The following FTO variants were observed in gnomAD, a reference collection of about 807,000 sequenced individuals.
FTO encodes the protein FTO alpha-ketoglutarate dependent dioxygenase, also known as alpha-ketoglutarate-dependent dioxygenase FTO.
In FTO, 47 loss-of-function variants were observed where a neutral mutation model predicts 63.9. That is an observed-to-expected ratio of 0.74 (90% CI 0.58 to 0.94). The LOEUF (loss-of-function observed/expected upper bound fraction) is 0.94, where lower values mean the gene tolerates loss of function less well. Among genes scored for constraint, FTO ranks in the 40% least tolerant of loss-of-function variants. The probability of loss-of-function intolerance (pLI) is 0.00; values close to 1 mark genes in which losing one functional copy is unlikely to be tolerated. For synonymous variants in FTO, 207 were observed against 224.4 expected (o/e 0.92, Z 0.69); for missense variants, 562 against 618.1 (o/e 0.91, Z 0.96).
intron 4 of FTO, among the ~76,000 whole-genome samples, chr16:53,870,638 C>G (rs1253440660): frequency 6.6e-6 from 1 of 152,178 alleles, no homozygotes; most frequent in Admixed American, 6.5e-5. Context: ...TGTTGTACCA[C>G]TTTTCCTTCC....
intron 8 of FTO, among the ~76,000 whole-genome samples, chr16:53,980,990 T>C (rs1268652718): frequency 4.6e-5 from 7 of 152,162 alleles, no homozygotes; most frequent in Non-Finnish European, 1.0e-4. Flanking sequence ...ACATGGGTTC[T>C]CCACAGTATT....
chr16:53,748,400 T>C (rs1476854482), intron 1 of FTO, among the ~76,000 whole-genome samples: 3 of 152,206 alleles, frequency 2.0e-5, no homozygotes, highest in African/African-American at 7.2e-5. Flanking sequence ...AATTTATTCC[T>C]AAGTATTATT....
chr16:54,035,922 G>A (rs899205614), intron 8 of FTO, among the ~76,000 whole-genome samples: 1 of 152,094 alleles, frequency 6.6e-6, no homozygotes, highest in South Asian at 2.1e-4. Context: ...TTTTGAGGTC[G>A]GGATTTTGTT....
intron 7 of FTO, among the ~76,000 whole-genome samples, chr16:53,918,846 G>A (rs1360860404): frequency 6.6e-6 from 1 of 152,154 alleles, no homozygotes; most frequent in Non-Finnish European, 1.5e-5. Flanking sequence ...ACCGTGCTGG[G>A]CCTGGAGTTA....
At chr16:53,922,772 T>C (rs1382397300) in intron 7 of FTO, among the ~76,000 whole-genome samples, 3 of 152,176 alleles carry the variant, frequency 2.0e-5, no homozygotes, top group Non-Finnish European at 4.4e-5. Context: ...GAACCAACAG[T>C]AGAACAACTG....
intron 8 of FTO, among the ~76,000 whole-genome samples, chr16:54,086,186 T>C (rs1274023554): frequency 6.6e-6 from 1 of 152,162 alleles, no homozygotes; most frequent in Non-Finnish European, 1.5e-5. Flanking sequence ...AACACAATTA[T>C]ATAAAATTTC....
chr16:54,031,796 A>G (rs1015935050), intron 8 of FTO, among the ~76,000 whole-genome samples: 2 of 152,218 alleles, frequency 1.3e-5, no homozygotes, highest in South Asian at 4.1e-4. Flanking sequence ...AACTATGCCC[A>G]TACCTTAGCA....
chr16:53,735,706 C>G (rs1263228171), intron 1 of FTO, among the ~76,000 whole-genome samples: 6 of 152,174 alleles, frequency 3.9e-5, no homozygotes, highest in Non-Finnish European at 8.8e-5. Context: ...GTCTTTGAAG[C>G]CTAGTTGGAT....
intron 8 of FTO, among the ~76,000 whole-genome samples, chr16:54,025,038 T>C (rs1382432530): frequency 1.3e-5 from 2 of 152,230 alleles, no homozygotes; most frequent in African/African-American, 4.8e-5. Context: ...AAATTCCATC[T>C]CTTAATTTAT....
chr16:53,913,316 A>G (rs541524881), intron 7 of FTO, among the ~76,000 whole-genome samples: 2 of 152,326 alleles, frequency 1.3e-5, no homozygotes, highest in East Asian at 3.9e-4. Context: ...AGTTTGGTGT[A>G]TTTGATGAGT....
At chr16:54,040,455 T>C (rs559933564) in intron 8 of FTO, 2 of 152,168 alleles carry the variant, frequency 1.3e-5, no homozygotes, top group Admixed American at 6.5e-5. Flanking sequence ...TACCCTAAAG[T>C]TGATGTTTTT....
At chr16:53,808,814 A>C (rs1036406560) in intron 1 of FTO, among the ~76,000 whole-genome samples, 1 of 152,214 alleles carries the variant, frequency 6.6e-6, no homozygotes, top group Non-Finnish European at 1.5e-5. Flanking sequence ...TCTAATTTTT[A>C]TAAATGTGAC....
chr16:53,914,729 G>A (rs1371150795), intron 7 of FTO, among the ~76,000 whole-genome samples: 2 of 152,168 alleles, frequency 1.3e-5, no homozygotes, highest in African/African-American at 2.4e-5. Flanking sequence ...AATTGTCTCC[G>A]TTAAACATGT....
intron 8 of FTO, among the ~76,000 whole-genome samples, chr16:54,085,090 C>T (rs1487470553): frequency 6.6e-6 from 1 of 152,176 alleles, no homozygotes; most frequent in African/African-American, 2.4e-5. Flanking sequence ...ATTGTCAACG[C>T]TATTGATTAG....
intron 8 of FTO, among the ~76,000 whole-genome samples, chr16:54,040,961 T>C (rs763313548): frequency 6.6e-6 from 1 of 152,232 alleles, no homozygotes; most frequent in Non-Finnish European, 1.5e-5. Context: ...TCTTCCACAT[T>C]GAGTGTACAG....
chr16:53,783,544 C>T (rs1176146766), intron 1 of FTO, among the ~76,000 whole-genome samples: 1 of 132,500 alleles, frequency 7.5e-6, no homozygotes, highest in East Asian at 2.3e-4. Context: ...GGAGGCGGAG[C>T]TTGCAGTGAA....
chr16:53,747,040 T>C (rs1368086779), intron 1 of FTO, among the ~76,000 whole-genome samples: 1 of 152,228 alleles, frequency 6.6e-6, no homozygotes, highest in African/African-American at 2.4e-5. Flanking sequence ...AATTTCTTTC[T>C]TTTTAAAGGC....
intron 8 of FTO, among the ~76,000 whole-genome samples, chr16:53,952,714 G>A (rs1361002610): frequency 1.3e-5 from 2 of 152,186 alleles, no homozygotes; most frequent in African/African-American, 4.8e-5. Flanking sequence ...GTGCTGAAAT[G>A]GGTGGAAGAA....
At chr16:53,745,591 G>A (rs1242513845) in intron 1 of FTO, among the ~76,000 whole-genome samples, 2 of 152,182 alleles carry the variant, frequency 1.3e-5, no homozygotes, top group Admixed American at 6.5e-5. Context: ...ATTTTTATGT[G>A]CAATGTCCTC....
Sources: allele counts gnomAD v4.1 joint callset (sites outside exome capture counted in the v4.1 genomes callset), GRCh38; gene constraint gnomAD v4.1.1; transcripts MANE v1.5; gene names NCBI Gene and HGNC (gene_info 2026-07-23, HGNC 2026-07-21).